WDR73: variants seen among roughly 807,000 people sequenced by gnomAD.
WDR73 encodes the protein integrator complex assembly factor WDR73.
Under a neutral mutation model 38.2 loss-of-function variants are expected in WDR73, and 30 were observed. The observed-to-expected ratio is 0.79, with a 90% CI of 0.59 to 1.06. The LOEUF is 1.06. Ranked by LOEUF, WDR73 falls within the 50% of genes least tolerant of loss-of-function variation. The pLI, the probability that WDR73 is intolerant of heterozygous loss-of-function variation, is 0.00. For synonymous variants in WDR73, 197 were observed against 176.0 expected, an observed-to-expected ratio of 1.12 and a Z score of -0.94; for missense variants, 487 against 467.0, an observed-to-expected ratio of 1.04 and a Z score of -0.40.
chr15:84,646,242 C>G lies in WDR73; in HGVS notation c.459G>C (p.Ala153=). ...STLAPGVLHG[A]RLRSLQVVDL... is the part of the protein sequence containing the mutation. ...CAACGACCTGCAGACTTCGGAGCCT[C>G]GCCCCATGGAGGACTCCGGGTGCCA... The change falls in exon 6 of 8, where the codon GCG becomes GCC. Residue 153 remains alanine, a synonymous_variant. Transcript: ENST00000434634. The G allele has an allele frequency of 6.2e-7, 1 of 1,613,902 alleles. No individual in the cohort carries two copies. The highest frequency in any genetic ancestry group is 8.5e-7 in the Non-Finnish European group (1 of 1,179,880).
intron 3 of WDR73, among the ~76,000 whole-genome samples, chr15:84,651,746 T>G (rs1269275872): frequency 1.3e-5 from 2 of 152,200 alleles, no homozygotes; most frequent in Non-Finnish European, 2.9e-5. Flanking sequence ...TCCCTACATT[T>G]CGTGACTCTG....
Position 84,652,982 on chromosome 15 carries a change from G to C in WDR73, c.110-180C>G, listed in dbSNP as rs1053791828. The C allele has an allele frequency of 1.8e-5, 9 of 487,960 alleles. No homozygotes were observed. In the East Asian group the frequency reaches 3.1e-4, roughly 17 times the overall value. The allele number at this position is 487,960 out of a possible 1,614,324, so 30.2% of individuals were successfully genotyped here. ...CAGCCAGGCTGGAGTGCAGTGGTCC[G>C]ATCACAGCTCACTGCAGCCTCAACC... On this transcript the variant is annotated intron_variant, in intron 2 of 7. Transcript: ENST00000434634.
chr15:84,643,875 C>T, intron 7 of WDR73, 152 bp from the exon 8 acceptor site: 1 of 913,072 alleles, frequency 1.1e-6, no homozygotes, highest in Non-Finnish European at 1.6e-6. Flanking sequence ...TCTCAGCCTC[C>T]CAAAATGCTG....
intron 5 of WDR73, 26 bp downstream of exon 5, chr15:84,647,864 A>G (rs928453397): frequency 1.2e-6 from 2 of 1,613,096 alleles, no homozygotes; most frequent in Non-Finnish European, 1.7e-6. Flanking sequence ...TAGAACCCCA[A>G]ACCCCATCAA....
At position 84,641,445 on chromosome 15, in the gene WDR73, C is replaced by T. The variant is rs1310569090; in HGVS notation, c.*2025G>A. 1 of 152,034 alleles carries T rather than the reference C, an allele frequency of 6.6e-6. No homozygotes were observed. The highest frequency in any genetic ancestry group is 1.5e-5 in the Non-Finnish European group (1 of 68,002). The allele number at this position is 152,034 out of a possible 1,614,324, so 9.4% of individuals were successfully genotyped here. A position where few individuals can be genotyped will look rare whatever the true frequency, so the allele number is the denominator to read the frequency against. On this transcript the variant is annotated 3_prime_UTR_variant, in exon 8 of 8. Coordinates refer to ENST00000434634, the MANE Select transcript of WDR73 (RefSeq NM_032856.5). ...GGTGGCACCCAGGAAAGCCTGTTCC[C>T]CTAAGTAAGTTTGAACTTTAGTTAC...
Position 84,645,646 on chromosome 15 carries a change from G to C in WDR73, c.708C>G (p.Gly236=). ...CAAGGCTGGCAATGCTGGGCCCAGGGCCCTGGCCCCAGCTCCCAACTTCAG... is the reference window on the plus strand; with the variant it reads ...CAAGGCTGGCAATGCTGGGCCCAGGCCCCTGGCCCCAGCTCCCAACTTCAG... ...WCAEVGSWGQ[G]PGPSIASLGS... is the part of the protein sequence containing the mutation. Residue 236 remains glycine, a synonymous_variant, in exon 7 of 8, where the codon GGC becomes GGG. Coordinates refer to ENST00000434634, the MANE Select transcript of WDR73 (RefSeq NM_032856.5). The C allele has an allele frequency of 6.2e-7, 1 of 1,608,414 alleles. No individual in the cohort carries two copies. Among genetic ancestry groups the C allele is most frequent in the South Asian group, 1.1e-5 (1 of 90,284 alleles).
In WDR73 at chr15:84,645,603, A is replaced by G; in HGVS notation, c.751T>C (p.Cys251Arg). ...CAGAGATCCCGGGGGTCAAGAAGACAAAGACGCCCATCTGAGCCAAGGCTG... is the reference window on the plus strand; with the variant it reads ...CAGAGATCCCGGGGGTCAAGAAGACGAAGACGCCCATCTGAGCCAAGGCTG... ...IASLGSDGRL[C>R]LLDPRDLCHP... The change falls in exon 7 of 8, where the codon TGT (cysteine) becomes CGT (arginine). Residue 251 changes from cysteine (C) to arginine (R), a missense_variant. Cys to Arg is a radical substitution (Grantham distance 180, BLOSUM62 -3). Transcript: ENST00000434634. 3.1e-6 allele frequency: 5 copies of G among 1,610,406 alleles called. No individual in the cohort carries two copies. Among genetic ancestry groups the G allele is most frequent in the Non-Finnish European group, 4.2e-6 (5 of 1,178,486 alleles).
intron 7 of WDR73, chr15:84,643,950 A>G (rs1896357531): frequency 6.7e-6 from 3 of 448,288 alleles, no homozygotes; most frequent in Non-Finnish European, 1.1e-5. Flanking sequence ...AAAACAGGCT[A>G]TTGGATGAGG....
At chr15:84,651,123 A>T (rs991987845) in intron 3 of WDR73, among the ~76,000 whole-genome samples, 3 of 151,492 alleles carry the variant, frequency 2.0e-5, no homozygotes, top group Non-Finnish European at 2.9e-5. Context: ...AAAAAAAAAA[A>T]ATTTTTTTAA....
intron 3 of WDR73, among the ~76,000 whole-genome samples, chr15:84,649,221 CTG>C (rs1295482645): frequency 6.6e-6 from 1 of 152,214 alleles, no homozygotes; most frequent in African/African-American, 2.4e-5. Flanking sequence ...CAAGTCCACA[CTG>C]TTAGCCACTA....
chr15:84,648,465 G>T, intron 4 of WDR73, 72 bp downstream of exon 4: 1 of 1,113,850 alleles, frequency 9.0e-7, no homozygotes, highest in Non-Finnish European at 1.4e-6. Flanking sequence ...TGAGGAGGCA[G>T]AATACCCCCA....
intron 7 of WDR73, chr15:84,645,081 G>C (rs1896403181): frequency 1.9e-6 from 1 of 538,456 alleles, no homozygotes; most frequent in Admixed American, 4.4e-5. Flanking sequence ...CTCCTAAGTA[G>C]CTGGGACTAC....
chr15:84,653,936 G>C (rs776804779), intron 1 of WDR73: 138 of 603,478 alleles, frequency 2.3e-4, no homozygotes, highest in Non-Finnish European at 3.7e-4. Flanking sequence ...GTTGACGTGA[G>C]GAATCAATGA....
Position 84,653,669 on chromosome 15 carries a change from T to G in WDR73, c.72A>C (p.Ser24=). The change falls in exon 2 of 8, where the codon TCA becomes TCC. Residue 24 remains serine (S), a synonymous_variant. Transcript: ENST00000434634. ...LYQDFYAFDL[S]GATRVLEWID... ...TCCATTCAAGGACTCGAGTGGCTCC[T>G]GACAGGTCGAATGCATAGAAATCCT... The G allele has an allele frequency of 6.3e-7, 1 of 1,596,088 alleles. No homozygotes were observed. Among genetic ancestry groups the G allele is most frequent in the South Asian group, 1.1e-5 (1 of 87,822 alleles).
Position 84,642,313 on chromosome 15 carries a change from C to G in WDR73, c.*1157G>C, listed in dbSNP as rs12324854. ...CGAGATCACGCCACTGCACTCAAGC[C>G]TGGGTGACAGAGCAAGACTCCATCT... On this transcript the variant is annotated 3_prime_UTR_variant, in exon 8 of 8. Coordinates refer to ENST00000434634, the MANE Select transcript of WDR73 (RefSeq NM_032856.5). 6.7e-6 allele frequency: 1 copy of G among 149,280 alleles called. No individual in the cohort carries two copies. Among genetic ancestry groups the G allele is most frequent in the African/African-American group, 2.5e-5 (1 of 40,288 alleles). The allele number at this position is 149,280 out of a possible 1,614,324, so 9.2% of individuals were successfully genotyped here.
rs1175515867 is a variant in WDR73, at chr15:84,641,831, C to CCTAT, written c.*1635_*1638dup. 1.6e-4 allele frequency: 24 copies of CCTAT among 152,108 alleles called. No homozygotes were observed. Among genetic ancestry groups the CCTAT allele is most frequent in the African/African-American group, 5.8e-4 (24 of 41,502 alleles). 9.4% of individuals were successfully genotyped at this position (152,108 alleles called of 1,614,324 possible). On this transcript the variant is annotated 3_prime_UTR_variant, in exon 8 of 8. Transcript: ENST00000434634. ...ACTGTGCCTGGTCTATCTTTAAATT[C>CCTAT]CTATCTGAATTTGTTTAGGTTTTTT... is the stretch of plus-strand genomic sequence containing the variant.
chr15:84,650,521 C>T (rs1017224365), intron 3 of WDR73, among the ~76,000 whole-genome samples: 16 of 152,100 alleles, frequency 1.1e-4, no homozygotes, highest in Admixed American at 7.9e-4. Flanking sequence ...CCACCACACC[C>T]GGCTAATTTT....
At position 84,650,548 on chromosome 15, in the gene WDR73, A is replaced by G. The variant is rs183261315; in HGVS notation, c.199-1923T>C. ...GCTAATTTTTGTATTATTAGTAGAG[A>G]TGGGGTTTCACCATATTGGCCAGAC... On this transcript the variant is annotated intron_variant, in intron 3 of 7. Transcript: ENST00000434634. 9.2e-5 allele frequency among the ~76,000 whole-genome samples: 14 copies of G among 152,220 alleles called. 1 individual carries two copies. Among genetic ancestry groups the G allele is most frequent in the Admixed American group, 6.5e-4 (10 of 15,288 alleles).
In WDR73 at chr15:84,643,638, A is replaced by G. The variant is rs940159485; in HGVS notation, c.969T>C (p.Pro323=). Residue 323 remains proline (P), a synonymous_variant, in exon 8 of 8, where the codon CCT becomes CCC. Coordinates refer to ENST00000434634, the MANE Select transcript of WDR73 (RefSeq NM_032856.5). ...SQDGTRSQVE[P]LFTHRGHIFL... ...AGATGTGACCTCTGTGAGTGAAGAGAGGTTCTACTTGGCTCCGTGTTCCAT... is the reference window on the plus strand; with the variant it reads ...AGATGTGACCTCTGTGAGTGAAGAGGGGTTCTACTTGGCTCCGTGTTCCAT... 1.9e-6 allele frequency: 3 copies of G among 1,612,488 alleles called. No individual in the cohort carries two copies. The African/African-American group carries it at 4.0e-5, about 22-fold the overall frequency.
Sources: gnomAD v4.1 joint callset for allele counts (sites outside exome capture counted in the v4.1 genomes callset) on GRCh38, gnomAD v4.1.1 for gene constraint, MANE v1.5 for transcripts, NCBI Gene and HGNC (gene_info 2026-07-23, HGNC 2026-07-21) for gene names.